WASHC4: variants seen among roughly 807,000 people sequenced by gnomAD.
WASHC4 encodes WASH complex subunit 4, also known as WASH complex subunit 7.
WASHC4 carries 86 observed loss-of-function variants against 166.6 expected under a neutral mutation model. That is an observed-to-expected ratio of 0.52 (90% CI 0.43 to 0.62). The LOEUF (loss-of-function observed/expected upper bound fraction) is 0.62. Ranked by LOEUF, WASHC4 falls within the 20% of genes least tolerant of loss-of-function variation. The probability of loss-of-function intolerance (pLI) is 0.00; values close to 1 mark genes in which losing one functional copy is unlikely to be tolerated. For synonymous variants in WASHC4, 446 were observed against 451.6 expected (o/e 0.99, Z 0.16); for missense variants, 1,262 against 1,382.4 (o/e 0.91, Z 1.38).
chr12:105,139,415 A>ATGTGTGTGTGTG lies in WASHC4; in HGVS notation c.1453-868_1453-867insGTGTGTGTGTGT, dbSNP rs144001458. On this transcript the variant is annotated intron_variant, in intron 15 of 32. Transcript: ENST00000332180. ...TTGTCTCTATAGACAGACTATATAT[A>ATGTGTGTGTGTG]TGTGTGTGTGTATATATATATATAT... Among the ~76,000 whole-genome samples the ATGTGTGTGTGTG allele has an allele frequency of 2.6e-3, 246 of 94,270 alleles. 1 individual carries two copies. The highest frequency in any genetic ancestry group is 6.2e-3 in the South Asian group (16 of 2,582). 61.8% of individuals were successfully genotyped at this position (94,270 alleles called of 152,430 possible).
rs61733561 is a variant in WASHC4, at chr12:105,164,260, T to G, written c.3307T>G (p.Leu1103Val). 1 of 1,614,032 alleles carries G rather than the reference T, an allele frequency of 6.2e-7. No homozygotes were observed. The highest frequency in any genetic ancestry group is 1.7e-5 in the Admixed American group (1 of 60,026). The stretch of plus-strand genomic sequence containing the variant: ...GTCAGCCAGTCAAGATGAAAAACTC[T>G]TACAAACCATGAATCTCACTCAGAA... ...VQSASQDEKL[L>V]QTMNLTQKRL... The change falls in exon 31 of 33, where the codon TTA becomes GTA. Residue 1103 changes from leucine to valine, a missense_variant. Leu to Val is a conservative substitution (Grantham distance 32). Coordinates refer to ENST00000332180, the MANE Select transcript of WASHC4 (RefSeq NM_015275.3).
chr12:105,125,260 A>T (rs1432855476), intron 10 of WASHC4, among the ~76,000 whole-genome samples: 1 of 152,190 alleles, frequency 6.6e-6, no homozygotes, highest in Non-Finnish European at 1.5e-5. Flanking sequence ...TGTATTAGAA[A>T]ATTTTTTGAA....
intron 23 of WASHC4, 53 bp downstream of exon 23, chr12:105,146,579 A>G: frequency 1.1e-6 from 1 of 946,372 alleles, no homozygotes; most frequent in Non-Finnish European, 1.7e-6. Context: ...GATAGTTGGA[A>G]GGCTGAGGGG....
intron 1 of WASHC4, among the ~76,000 whole-genome samples, chr12:105,109,509 T>C (rs569679771): frequency 6.6e-6 from 1 of 152,228 alleles, no homozygotes; most frequent in Non-Finnish European, 1.5e-5. Context: ...ACTTTTGTTA[T>C]TTTAACTTTC....
chr12:105,133,940 A>G (rs1396432180), intron 14 of WASHC4, 44 bp downstream of exon 14: 7 of 1,585,966 alleles, frequency 4.4e-6, no homozygotes, highest in Admixed American at 3.4e-5. Flanking sequence ...TGTTAATCCA[A>G]CTTACAGAAG....
chr12:105,121,118 G>T lies in WASHC4; in HGVS notation c.579G>T (p.Leu193Phe), dbSNP rs1190977265. ...TTTGACAGACTATGTATGAGCACTT[G>T]GGAGAACTGCTAACAGTTTTGCTCA... ...GVHFQTMYEH[L>F]GELLTVLLTL... The change falls in exon 9 of 33, where the codon TTG becomes TTT. Residue 193 changes from leucine to phenylalanine, a missense_variant. Leu to Phe is a conservative substitution (Grantham distance 22). Coordinates refer to ENST00000332180, the MANE Select transcript of WASHC4 (RefSeq NM_015275.3). The T allele has an allele frequency of 1.2e-6, 2 of 1,611,778 alleles. No individual in the cohort carries two copies. The highest frequency in any genetic ancestry group is 1.3e-5 in the African/African-American group (1 of 74,838).
chr12:105,163,374 A>G (rs1884622397), intron 30 of WASHC4, among the ~76,000 whole-genome samples: 1 of 152,172 alleles, frequency 6.6e-6, no homozygotes. Context: ...ATTGCTAATC[A>G]CTTGTCCACT....
At chr12:105,145,614 G>T (rs1009363138) in intron 22 of WASHC4, among the ~76,000 whole-genome samples, 2 of 151,930 alleles carry the variant, frequency 1.3e-5, no homozygotes, top group Non-Finnish European at 2.9e-5. Context: ...ACTGAACTAT[G>T]TTTAGGAATA....
At chr12:105,128,475 A>T (rs1171524483) in intron 13 of WASHC4, among the ~76,000 whole-genome samples, 1 of 152,220 alleles carries the variant, frequency 6.6e-6, no homozygotes, top group Admixed American at 6.5e-5. Flanking sequence ...GCCAATACAT[A>T]CTTAGCTTAC....
rs775925735 is a variant in WASHC4, at chr12:105,140,416, A to G, written c.1560+15A>G. The G allele has an allele frequency of 9.9e-6, 15 of 1,522,278 alleles. No individual in the cohort carries two copies. In the East Asian group the frequency reaches 3.2e-4, roughly 32 times the overall value. 94.3% of individuals were successfully genotyped at this position (1,522,278 alleles called of 1,614,324 possible). ...CTGTGGCCAAGGTATGCAGCTTATT[A>G]TGTATTTAGCATAAGTATGTTATCT... On this transcript the variant is annotated intron_variant, in intron 16 of 32. Coordinates refer to ENST00000332180, the MANE Select transcript of WASHC4 (RefSeq NM_015275.3).
At chr12:105,123,918 G>A (rs1881026432) in intron 10 of WASHC4, among the ~76,000 whole-genome samples, 2 of 152,138 alleles carry the variant, frequency 1.3e-5, no homozygotes, top group Non-Finnish European at 2.9e-5. Flanking sequence ...TACTCTGCCT[G>A]TTCTCTGTAA....
In WASHC4 at chr12:105,148,722, G is replaced by A; in HGVS notation, c.2515-893G>A. 3 of 985,270 alleles carry A rather than the reference G, an allele frequency of 3.0e-6. No individual in the cohort carries two copies. The South Asian group carries it at 1.4e-4, about 46-fold the overall frequency. 61.0% of individuals were successfully genotyped at this position (985,270 alleles called of 1,614,324 possible). A position where few individuals can be genotyped will look rare whatever the true frequency, so the allele number is the denominator to read the frequency against. On this transcript the variant is annotated intron_variant, in intron 24 of 32. Transcript: ENST00000332180. The stretch of plus-strand genomic sequence containing the variant: ...TGGGTAAATGAATACTGAGTAAAAC[G>A]GGCACAAATTTGTCAAAATCATTAG...
At chr12:105,127,813 ACT>A (rs1250513101) in intron 13 of WASHC4, among the ~76,000 whole-genome samples, 5 of 151,622 alleles carry the variant, frequency 3.3e-5, no homozygotes, top group Non-Finnish European at 7.4e-5. Context: ...CACACTTTTA[ACT>A]CTTTGTTTCT....
chr12:105,115,785 A>G (rs964760659), intron 6 of WASHC4, 57 bp downstream of exon 6: 8 of 1,088,940 alleles, frequency 7.3e-6, no homozygotes, highest in Non-Finnish European at 1.1e-5. Flanking sequence ...AGTAAATTAC[A>G]CAACACGTAA....
At chr12:105,153,963 T>TG (rs1392817983) in intron 26 of WASHC4, among the ~76,000 whole-genome samples, 4 of 152,118 alleles carry the variant, frequency 2.6e-5, no homozygotes, top group Non-Finnish European at 5.9e-5. Context: ...AGTCCACAAT[T>TG]GGGGAATATT....
Position 105,115,650 on chromosome 12 carries a change from G to T in WASHC4, c.368-11G>T. ...AAAATGAAATATGCTTATTCATGTT[G>T]CCTTTTACAGCTACAGATGCCAGCA... On this transcript the variant is annotated splice_polypyrimidine_tract_variant and intron_variant, in intron 5 of 32. Coordinates refer to ENST00000332180, the MANE Select transcript of WASHC4 (RefSeq NM_015275.3). 3 of 1,593,360 alleles carry T rather than the reference G, an allele frequency of 1.9e-6. No individual in the cohort carries two copies. The highest frequency in any genetic ancestry group is 2.6e-6 in the Non-Finnish European group (3 of 1,161,748).
At chr12:105,109,742 G>A (rs1038799937) in intron 1 of WASHC4, among the ~76,000 whole-genome samples, 6 of 149,716 alleles carry the variant, frequency 4.0e-5, no homozygotes, top group African/African-American at 1.5e-4. Flanking sequence ...GACCAGCTGA[G>A]CTCAGGTGAT....
At position 105,132,802 on chromosome 12, in the gene WASHC4, G is replaced by T. The variant is rs531133168; in HGVS notation, c.1200-968G>T. On this transcript the variant is annotated intron_variant, in intron 13 of 32. Coordinates refer to ENST00000332180, the MANE Select transcript of WASHC4 (RefSeq NM_015275.3). Reference sequence around the variant, plus strand: ...TGAAAGAGGTAGTGTGTGTGTGTGTGTGTGTGTGTGTGTGTGTGTGTGTGT... The same window carrying T: ...TGAAAGAGGTAGTGTGTGTGTGTGTTTGTGTGTGTGTGTGTGTGTGTGTGT... Among the ~76,000 whole-genome samples the T allele has an allele frequency of 1.3e-3, 194 of 150,692 alleles. 1 individual carries two copies. The highest frequency in any genetic ancestry group is 3.4e-3 in the Middle Eastern group (1 of 292).
intron 26 of WASHC4, chr12:105,156,507 ATATT>A (rs2135831582): frequency 4.0e-6 from 1 of 250,974 alleles, no homozygotes; most frequent in Non-Finnish European, 7.4e-6. Flanking sequence ...TTACTTTTAA[ATATT>A]TAATATAGTT....
Sources: allele counts gnomAD v4.1 joint callset (sites outside exome capture counted in the v4.1 genomes callset), GRCh38; gene constraint gnomAD v4.1.1; transcripts MANE v1.5; gene names NCBI Gene and HGNC (gene_info 2026-07-23, HGNC 2026-07-21).